Variants in ADGRL3 observed in about 807,000 individuals in gnomAD.
The protein encoded by ADGRL3 is calcium-independent alpha-latrotoxin receptor 3.
A neutral mutation model predicts 153.5 loss-of-function variants in ADGRL3; 62 were observed. That is an observed-to-expected ratio of 0.40 (90% confidence interval 0.33 to 0.50). The LOEUF (loss-of-function observed/expected upper bound fraction) is 0.50, where lower values mean the gene tolerates loss of function less well. Among genes scored for constraint, ADGRL3 ranks in the 20% least tolerant of loss-of-function variants. ADGRL3 has a pLI of 0.47. For synonymous variants in ADGRL3, 710 were observed against 672.5 expected (o/e 1.06, Z -0.86); for missense variants, 1,641 against 1,859.4 (o/e 0.88, Z 2.16).
intron 25 of ADGRL3, among the ~76,000 whole-genome samples, chr4:62,064,744 A>G: frequency 6.6e-6 from 1 of 151,802 alleles, no homozygotes; most frequent in African/African-American, 2.4e-5. Flanking sequence ...AGAATGTGCC[A>G]TTGCAGAAAA....
intron 1 of ADGRL3, among the ~76,000 whole-genome samples, chr4:61,224,491 G>T (rs1453349082): frequency 6.6e-6 from 1 of 152,168 alleles, no homozygotes; most frequent in Non-Finnish European, 1.5e-5. Flanking sequence ...CTGAAACTGG[G>T]TCTTCCAGAT....
At chr4:61,844,271 G>GGC (rs2098079739) in intron 9 of ADGRL3, among the ~76,000 whole-genome samples, 1 of 151,238 alleles carries the variant, frequency 6.6e-6, no homozygotes, top group Non-Finnish European at 1.5e-5. Context: ...TAGATGGCCA[G>GGC]GCGCGGTGGC....
chr4:61,419,589 C>G (rs144972213), intron 2 of ADGRL3, among the ~76,000 whole-genome samples: 1 of 152,270 alleles, frequency 6.6e-6, no homozygotes, highest in East Asian at 1.9e-4. Flanking sequence ...AGTACCCACA[C>G]AGACTCCACA....
chr4:61,660,143 G>A (rs2094553371), intron 5 of ADGRL3, among the ~76,000 whole-genome samples: 1 of 152,108 alleles, frequency 6.6e-6, no homozygotes, highest in African/African-American at 2.4e-5. Flanking sequence ...AAATGTGTGA[G>A]GCTTTTTAAC....
chr4:62,007,363 T>TATATATATATATATACAC (rs1198862512), intron 21 of ADGRL3, among the ~76,000 whole-genome samples: 1 of 4,666 alleles, frequency 2.1e-4, no homozygotes, highest in African/African-American at 2.6e-4. Context: ...TGATTATATA[T>TATATATATATATATACAC]ATATATATAT....
At chr4:61,415,236 T>C (rs2152294971) in intron 2 of ADGRL3, among the ~76,000 whole-genome samples, 1 of 152,124 alleles carries the variant, frequency 6.6e-6, no homozygotes, top group East Asian at 1.9e-4. Context: ...ACACTAGATT[T>C]ATTTATTAAA....
At chr4:61,722,946 AATATC>A (rs1164568868) in intron 6 of ADGRL3, among the ~76,000 whole-genome samples, 1 of 152,212 alleles carries the variant, frequency 6.6e-6, no homozygotes, top group Admixed American at 6.5e-5. Context: ...ATTCATTTTT[AATATC>A]ATATTTGTTA....
At chr4:61,753,039 C>T (rs1052653910) in intron 8 of ADGRL3, among the ~76,000 whole-genome samples, 1 of 151,762 alleles carries the variant, frequency 6.6e-6, no homozygotes, top group Non-Finnish European at 1.5e-5. Context: ...TTTTACAGTC[C>T]AAAAACTGAG....
chr4:61,674,244 A>G (rs1185496557), intron 5 of ADGRL3, among the ~76,000 whole-genome samples: 1 of 151,346 alleles, frequency 6.6e-6, no homozygotes, highest in Non-Finnish European at 1.5e-5. Flanking sequence ...TATAAACATA[A>G]CCATTTGAAA....
At chr4:61,844,575 A>AATATATATATATATATATATATATATAT (rs57750929) in intron 9 of ADGRL3, among the ~76,000 whole-genome samples, 6 of 18,096 alleles carry the variant, frequency 3.3e-4, no homozygotes, top group African/African-American at 5.2e-4. Flanking sequence ...AAAAAAAAAA[A>AATATATATATATATATATATATATATAT]ATATATATAT....
intron 8 of ADGRL3, among the ~76,000 whole-genome samples, chr4:61,759,171 A>G (rs1382721776): frequency 6.6e-6 from 1 of 152,048 alleles, no homozygotes; most frequent in Non-Finnish European, 1.5e-5. Flanking sequence ...CTTCTCGAGG[A>G]GTATCTTTTT....
chr4:62,057,008 G>C (rs1375716641), intron 25 of ADGRL3, among the ~76,000 whole-genome samples: 3 of 152,032 alleles, frequency 2.0e-5, no homozygotes, highest in Non-Finnish European at 4.4e-5. Flanking sequence ...GATCAAACAA[G>C]AATGTAAGTG....
At chr4:61,326,218 T>A (rs1351715251) in intron 1 of ADGRL3, among the ~76,000 whole-genome samples, 1 of 152,140 alleles carries the variant, frequency 6.6e-6, no homozygotes, top group Admixed American at 6.6e-5. Context: ...GTAGTTACTA[T>A]TTACTAGGTG....
At chr4:61,977,150 A>T (rs976071117) in intron 17 of ADGRL3, among the ~76,000 whole-genome samples, 30 of 151,594 alleles carry the variant, frequency 2.0e-4, no homozygotes, top group African/African-American at 7.0e-4. Flanking sequence ...AAACAAATAC[A>T]TTTCTAATAA....
intron 8 of ADGRL3, among the ~76,000 whole-genome samples, chr4:61,746,862 C>T (rs2151992825): frequency 6.6e-6 from 1 of 152,000 alleles, no homozygotes; most frequent in East Asian, 1.9e-4. Context: ...AAGATCAGAG[C>T]AGAACTGAAG....
At chr4:61,867,109 C>A (rs1243049934) in intron 9 of ADGRL3, among the ~76,000 whole-genome samples, 1 of 151,868 alleles carries the variant, frequency 6.6e-6, no homozygotes, top group Non-Finnish European at 1.5e-5. Context: ...TGATACCAGC[C>A]CATATCTATT....
At chr4:61,824,441 C>A (rs1030977067) in intron 9 of ADGRL3, among the ~76,000 whole-genome samples, 6 of 152,124 alleles carry the variant, frequency 3.9e-5, no homozygotes, top group African/African-American at 1.4e-4. Context: ...AAAATGTAAT[C>A]TTTGATAAAA....
intron 17 of ADGRL3, among the ~76,000 whole-genome samples, chr4:61,974,089 T>C (rs755311860): frequency 1.3e-4 from 20 of 152,096 alleles, no homozygotes; most frequent in Admixed American, 3.3e-4. Flanking sequence ...CACCTCAGCT[T>C]CCTGAGTAGC....
chr4:61,650,445 G>T (rs962669108), intron 5 of ADGRL3, among the ~76,000 whole-genome samples: 2 of 152,078 alleles, frequency 1.3e-5, no homozygotes, highest in African/African-American at 4.8e-5. Context: ...TATTAACCCT[G>T]TGCTCTTATC....
Sources: gnomAD v4.1 joint callset for allele counts (sites outside exome capture counted in the v4.1 genomes callset) on GRCh38, gnomAD v4.1.1 for gene constraint, MANE v1.5 for transcripts, NCBI Gene and HGNC (gene_info 2026-07-23, HGNC 2026-07-21) for gene names.